The following PCNT variants were observed in gnomAD, a reference collection of about 807,000 sequenced individuals.
The protein encoded by PCNT is pericentrin, also known as kendrin.
In PCNT, 319 loss-of-function variants were observed where a neutral mutation model predicts 380.4. That is an observed-to-expected ratio of 0.84 (90% confidence interval 0.77 to 0.92). The LOEUF (loss-of-function observed/expected upper bound fraction) is 0.92. Ranked by LOEUF, PCNT falls within the 40% of genes least tolerant of loss-of-function variation. The probability of loss-of-function intolerance (pLI) is 0.00; values close to 1 mark genes in which losing one functional copy is unlikely to be tolerated. For synonymous variants in PCNT, 1,845 were observed against 1,735.2 expected, an observed-to-expected ratio of 1.06 and a Z score of -1.57; for missense variants, 4,400 against 4,255.3, an observed-to-expected ratio of 1.03 and a Z score of -0.95.
chr21:46,333,971 C>T (rs1569161612), intron 2 of PCNT, among the ~76,000 whole-genome samples: 1 of 152,036 alleles, frequency 6.6e-6, no homozygotes, highest in Non-Finnish European at 1.5e-5. Flanking sequence ...CTTTGGGAGG[C>T]CAAGGCGGGC....
intron 17 of PCNT, among the ~76,000 whole-genome samples, chr21:46,386,714 T>C (rs1403265447): frequency 6.6e-6 from 1 of 152,234 alleles, no homozygotes; most frequent in Non-Finnish European, 1.5e-5. Flanking sequence ...TCTGACACCA[T>C]GGAGGTTTTT....
At chr21:46,345,205 C>T (rs915881692) in intron 3 of PCNT, among the ~76,000 whole-genome samples, 3 of 152,098 alleles carry the variant, frequency 2.0e-5, no homozygotes, top group African/African-American at 7.2e-5. Context: ...GCTTCTGTTT[C>T]TGGGACTTTA....
At position 46,406,909 on chromosome 21, in the gene PCNT, G is replaced by A. The variant is rs1411181701; in HGVS notation, c.5116-4280G>A. On this transcript the variant is annotated intron_variant, in intron 27 of 46. Transcript: ENST00000359568. The stretch of plus-strand genomic sequence containing the variant: ...TGCGGTTCTAGGATAAACCATACCT[G>A]GTAGTGATGTACTGCCCTTTTCATA... Among the ~76,000 whole-genome samples the A allele has an allele frequency of 2.0e-5, 3 of 152,184 alleles. No homozygotes were observed. In the East Asian group the frequency reaches 5.8e-4, roughly 29 times the overall value.
At chr21:46,360,798 G>T (rs1245747193) in intron 13 of PCNT, among the ~76,000 whole-genome samples, 2 of 152,122 alleles carry the variant, frequency 1.3e-5, no homozygotes, top group South Asian at 2.1e-4. Context: ...GATTACAGGC[G>T]TGAGCCACCA....
Position 46,411,767 on chromosome 21 carries a change from G to A in PCNT, c.5694G>A (p.Leu1898=). ...AGCTGGAGGCCGTCCTGTTGGCCTT[G>A]GCCCGCATCCGCCGCGCCCTGGAGC... The part of the protein sequence containing the change: ...SAELEAVLLA[L]ARIRRALEQQ... The change falls in exon 28 of 47, where the codon TTG becomes TTA. Residue 1898 remains leucine (L), a synonymous_variant. Transcript: ENST00000359568. 2 of 1,609,044 alleles carry A rather than the reference G, an allele frequency of 1.2e-6. No individual in the cohort carries two copies. The highest frequency in any genetic ancestry group is 1.1e-5 in the South Asian group (1 of 91,038).
Position 46,353,137 on chromosome 21 carries a change from G to A in PCNT, c.1490G>A (p.Arg497His), listed in dbSNP as rs150365416. The stretch of plus-strand genomic sequence containing the variant: ...GAGCAACTCCTGGCGCGCACCTCTC[G>A]TGTGGAAGATTTAGAACAGCTGAAG... ...LHEQLLARTS[R>H]VEDLEQLKQR... The change falls in exon 10 of 47, where the codon CGT becomes CAT. Residue 497 changes from arginine (R) to histidine (H), a missense_variant. By Grantham distance (29) the Arg-to-His change is conservative (BLOSUM62 0). Transcript: ENST00000359568. 43 of 1,614,038 alleles carry A rather than the reference G, an allele frequency of 2.7e-5. No individual in the cohort carries two copies. Among genetic ancestry groups the A allele is most frequent in the Middle Eastern group, 1.6e-4 (1 of 6,062 alleles).
At chr21:46,346,652 C>T (rs549681661) in intron 4 of PCNT, 91 bp from the exon 5 acceptor site, 2 of 1,454,046 alleles carry the variant, frequency 1.4e-6, no homozygotes, top group East Asian at 2.5e-5. Flanking sequence ...TCTGTGTCTT[C>T]CTTACTCATT....
intron 16 of PCNT, among the ~76,000 whole-genome samples, chr21:46,384,845 G>A (rs763016943): frequency 2.6e-5 from 4 of 151,782 alleles, no homozygotes; most frequent in Non-Finnish European, 4.4e-5. Context: ...GGTGTTGTGC[G>A]TTCAGTGGCA....
At chr21:46,353,774 G>A (rs2084369798) in intron 10 of PCNT, among the ~76,000 whole-genome samples, 1 of 151,770 alleles carries the variant, frequency 6.6e-6, no homozygotes, top group Non-Finnish European at 1.5e-5. Flanking sequence ...GAGAGAGTCA[G>A]TGGCGGGCAC....
At chr21:46,326,859 C>A (rs1028591372) in intron 2 of PCNT, among the ~76,000 whole-genome samples, 4 of 151,788 alleles carry the variant, frequency 2.6e-5, no homozygotes, top group Non-Finnish European at 5.9e-5. Flanking sequence ...ACTAAAAATA[C>A]AAAAATTAGC....
At chr21:46,387,675 G>A (rs997935243) in intron 17 of PCNT, among the ~76,000 whole-genome samples, 6 of 152,188 alleles carry the variant, frequency 3.9e-5, no homozygotes, top group South Asian at 2.1e-4. Flanking sequence ...CTTCGGTTTC[G>A]CGGGGCCTGC....
chr21:46,372,433 C>G (rs895649690), intron 15 of PCNT, among the ~76,000 whole-genome samples: 1 of 152,252 alleles, frequency 6.6e-6, no homozygotes, highest in Non-Finnish European at 1.5e-5. Context: ...ACATGTCATT[C>G]TGCATGTTGT....
In PCNT at chr21:46,389,592, C is replaced by T. The variant is rs555826429; in HGVS notation, c.3840+161C>T. Among the ~76,000 whole-genome samples the T allele has an allele frequency of 1.3e-4, 20 of 152,356 alleles. No homozygotes were observed. In the South Asian group the frequency reaches 3.1e-3, roughly 24 times the overall value. On this transcript the variant is annotated intron_variant, in intron 19 of 46. Transcript: ENST00000359568. The stretch of plus-strand genomic sequence containing the variant: ...GATCTTTGAGGAAGTGGGCTTGCTA[C>T]GAATGAGAGAATCTGTTTGTTTAAT...
At chr21:46,347,766 A>G (rs2084120882) in intron 6 of PCNT, among the ~76,000 whole-genome samples, 3 of 152,196 alleles carry the variant, frequency 2.0e-5, no homozygotes, top group East Asian at 1.9e-4. Context: ...CTGTCTTCTG[A>G]GTGGCCCCCA....
In PCNT at chr21:46,416,682, G is replaced by C. The variant is rs2087038161; in HGVS notation, c.6764G>C (p.Ser2255Thr). Reference protein sequence around the residue: ...TPHSGALSLCSADTSLGDRAD... With the variant: ...TPHSGALSLCTADTSLGDRAD... ...CACTCAGGAGCCCTGAGCCTGTGCA[G>C]TGCCGACACATCCCTGGGGGACAGG... The change falls in exon 30 of 47, where the codon AGT becomes ACT. Residue 2255 changes from serine to threonine, a missense_variant. Transcript: ENST00000359568. 6.4e-7 allele frequency: 1 copy of C among 1,564,916 alleles called. No homozygotes were observed. Among genetic ancestry groups the C allele is most frequent in the Non-Finnish European group, 8.7e-7 (1 of 1,155,722 alleles).
At chr21:46,407,544 C>T (rs560315184) in intron 27 of PCNT, among the ~76,000 whole-genome samples, 1 of 152,056 alleles carries the variant, frequency 6.6e-6, no homozygotes, top group East Asian at 1.9e-4. Flanking sequence ...GGGGTTTCAC[C>T]GTGTTAGCCA....
rs1187331923 is a variant in PCNT, at chr21:46,416,837, G to A, written c.6919G>A (p.Val2307Met). 6.3e-7 allele frequency: 1 copy of A among 1,597,554 alleles called. No individual in the cohort carries two copies. Among genetic ancestry groups the A allele is most frequent in the Admixed American group, 1.7e-5 (1 of 60,008 alleles). Residue 2307 changes from valine to methionine, a missense_variant and splice_region_variant, in exon 30 of 47, where the codon GTG becomes ATG. Coordinates refer to ENST00000359568, the MANE Select transcript of PCNT (RefSeq NM_006031.6). The stretch of plus-strand genomic sequence containing the variant: ...CGACCACCATGTGCAGAGGACGGCT[G>A]TGGTAGGTGCCTGCTCTGCTCCCAG... ...ADDHHVQRTAVEKDVEDFITT... is the reference protein window; with the variant it reads ...ADDHHVQRTAMEKDVEDFITT...
intron 3 of PCNT, among the ~76,000 whole-genome samples, chr21:46,337,153 T>C (rs2083770777): frequency 6.6e-6 from 1 of 152,012 alleles, no homozygotes; most frequent in South Asian, 2.1e-4. Flanking sequence ...GCTGCCACCA[T>C]GCCTGGCTAA....
At chr21:46,383,271 C>G (rs1339351515) in intron 16 of PCNT, among the ~76,000 whole-genome samples, 1 of 146,098 alleles carries the variant, frequency 6.8e-6, no homozygotes, top group Non-Finnish European at 1.5e-5. Flanking sequence ...GAAGCGCATT[C>G]ACAGTGCTGT....
Sources: gnomAD v4.1 joint callset for allele counts (sites outside exome capture counted in the v4.1 genomes callset) on GRCh38, gnomAD v4.1.1 for gene constraint, MANE v1.5 for transcripts, NCBI Gene and HGNC (gene_info 2026-07-23, HGNC 2026-07-21) for gene names.